The following CLEC4G variants were observed in gnomAD, a reference collection of about 807,000 sequenced individuals.
CLEC4G encodes C-type lectin domain family 4 member G.
A neutral mutation model predicts 37.0 loss-of-function variants in CLEC4G; 34 were observed. The ratio of observed to expected loss-of-function variants is 0.92; its 90% CI spans 0.70 to 1.22. The LOEUF (loss-of-function observed/expected upper bound fraction) is 1.22, where lower values mean the gene tolerates loss of function less well. Ranked by LOEUF, CLEC4G falls within the 50% of genes most tolerant of loss-of-function variation. The pLI is 0.00. For synonymous variants in CLEC4G, 167 were observed against 165.6 expected (o/e 1.01, Z -0.06); for missense variants, 390 against 392.9 (o/e 0.99, Z 0.06).
chr19:7,731,885 G>T, intron 1 of CLEC4G, 114 bp from the exon 2 acceptor site: 1 of 1,525,122 alleles, frequency 6.6e-7, no homozygotes, highest in East Asian at 2.4e-5. Flanking sequence ...TGGTCACACA[G>T]CTTCTAAGCG....
rs762643925 is a variant in CLEC4G at position 7,729,964 on chromosome 19, C to A, written c.628-28G>T. ...AGAAAGGAGGGGACATCTGAGCCTG[C>A]AGAGTCCGCCCCGCCCTGCCCCACC... On this transcript the variant is annotated intron_variant, in intron 7 of 8. Coordinates refer to ENST00000328853, the MANE Select transcript of CLEC4G (RefSeq NM_198492.4). The A allele has an allele frequency of 3.1e-6, 5 of 1,612,392 alleles. No individual in the cohort carries two copies. The Admixed American group carries it at 6.7e-5, about 22-fold the overall frequency.
chr19:7,731,290 C>T lies in CLEC4G; in HGVS notation c.196G>A (p.Gly66Ser), dbSNP rs776081476. Reference sequence around the variant, plus strand: ...CCGTTTGTCCTCAGCAGGTCGTGGCCGTCAAGCAGCGCCGCGCGCTCCGTG... The same window carrying T: ...CCGTTTGTCCTCAGCAGGTCGTGGCTGTCAAGCAGCGCCGCGCGCTCCGTG... The part of the protein sequence containing the change: ...ASTERAALLD[G>S]HDLLRTNASK... The change falls in exon 3 of 9, where the codon GGC becomes AGC. Residue 66 changes from glycine to serine, a missense_variant. By Grantham distance (56) the Gly-to-Ser change is moderately conservative. Coordinates refer to ENST00000328853, the MANE Select transcript of CLEC4G (RefSeq NM_198492.4). The T allele has an allele frequency of 2.5e-6, 4 of 1,587,326 alleles. No individual in the cohort carries two copies. Among genetic ancestry groups the T allele is most frequent in the South Asian group, 2.3e-5 (2 of 87,936 alleles).
chr19:7,731,955 A>G, intron 1 of CLEC4G, 93 bp downstream of exon 1: 8 of 1,453,368 alleles, frequency 5.5e-6, no homozygotes, highest in Non-Finnish European at 7.7e-6. Flanking sequence ...TCTCTCCTGC[A>G]CCCACAACCC....
Position 7,730,649 on chromosome 19 carries a change from G to C in CLEC4G, c.388+106C>G. 3 of 1,462,608 alleles carry C rather than the reference G, an allele frequency of 2.1e-6. No individual in the cohort carries two copies. In the South Asian group the frequency reaches 4.1e-5, roughly 20 times the overall value. 90.6% of individuals were successfully genotyped at this position (1,462,608 alleles called of 1,614,324 possible). A position where few individuals can be genotyped will look rare whatever the true frequency, so the allele number is the denominator to read the frequency against. On this transcript the variant is annotated intron_variant, in intron 5 of 8. Transcript: ENST00000328853. This position sits in a 1 kb window ranked among gnomAD's most constrained non-coding sequence, Gnocchi z 7.3. The stretch of plus-strand genomic sequence containing the variant: ...AGTCAAGGTCAGAGTGCAGCGTCAG[G>C]GTCAGGACGGGGTGCATGATCGGGG...
Position 7,730,362 on chromosome 19 carries a change from C to T in CLEC4G, c.467G>A (p.Arg156Lys), listed in dbSNP as rs779315880. Residue 156 changes from arginine to lysine, a missense_variant, in exon 6 of 9, where the codon AGG (arginine) becomes AAG (lysine). Transcript: ENST00000328853. The surrounding 1 kb of genome is among the most constrained non-coding windows in gnomAD (Gnocchi z 7.3). ...CCCGTCTCGCTCACTGTTCTGGAGC[C>T]TCACGGCCTCCAGCGCCCGGAACAG... ...TELFRALEAV[R>K]LQNNSCEPCP... The T allele has an allele frequency of 3.1e-6, 5 of 1,603,338 alleles. No individual in the cohort carries two copies. Among genetic ancestry groups the T allele is most frequent in the Non-Finnish European group, 4.2e-6 (5 of 1,179,666 alleles).
intron 2 of CLEC4G, 119 bp from the exon 3 acceptor site, chr19:7,731,438 C>A: frequency 6.7e-7 from 1 of 1,490,906 alleles, no homozygotes; most frequent in East Asian, 2.5e-5. Context: ...ACAGCTCACA[C>A]GATGTGCACA....
intron 2 of CLEC4G, 138 bp downstream of exon 2, chr19:7,731,523 C>A: frequency 6.9e-7 from 1 of 1,450,368 alleles, no homozygotes; most frequent in South Asian, 1.4e-5. Context: ...TGAGTGCACA[C>A]GGCCCAAAGA....
In CLEC4G at chr19:7,730,577, C is replaced by T; in HGVS notation, c.389-137G>A. The T allele has an allele frequency of 6.9e-7, 1 of 1,456,386 alleles. No homozygotes were observed. The highest frequency in any genetic ancestry group is 9.0e-7 in the Non-Finnish European group (1 of 1,106,110). 90.2% of individuals were successfully genotyped at this position (1,456,386 alleles called of 1,614,324 possible). On this transcript the variant is annotated intron_variant, in intron 5 of 8. Transcript: ENST00000328853. The surrounding 1 kb of genome is among the most constrained non-coding windows in gnomAD (Gnocchi z 7.3). Reference sequence around the variant, plus strand: ...GTCCAGGATGGCACAGGGTCAAGGGCGGTTACAACTGGGCAGGGTCCGGGT... The same window carrying T: ...GTCCAGGATGGCACAGGGTCAAGGGTGGTTACAACTGGGCAGGGTCCGGGT...
chr19:7,732,041 C>A lies in CLEC4G; in HGVS notation c.55+7G>T, dbSNP rs367686228. 2.5e-6 allele frequency: 4 copies of A among 1,601,094 alleles called. No individual in the cohort carries two copies. Among genetic ancestry groups the A allele is most frequent in the Non-Finnish European group, 3.4e-6 (4 of 1,168,126 alleles). On this transcript the variant is annotated splice_region_variant and intron_variant, in intron 1 of 8. Coordinates refer to ENST00000328853, the MANE Select transcript of CLEC4G (RefSeq NM_198492.4). Reference sequence around the variant, plus strand: ...GGGCAGGGATGGGGCAGTCTCCTTGCTCATACCTCCGGGGACCTCCTCGGA... The same window carrying A: ...GGGCAGGGATGGGGCAGTCTCCTTGATCATACCTCCGGGGACCTCCTCGGA...
At chr19:7,731,930 C>A in intron 1 of CLEC4G, 118 bp downstream of exon 1, 2 of 1,490,154 alleles carry the variant, frequency 1.3e-6, no homozygotes, top group Non-Finnish European at 1.8e-6. Flanking sequence ...CCAACTGGCT[C>A]TATGGCCTGT....
At chr19:7,731,475 G>C (rs973341443) in intron 2 of CLEC4G, 156 bp from the exon 3 acceptor site, 13 of 1,472,774 alleles carry the variant, frequency 8.8e-6, no homozygotes, top group Non-Finnish European at 1.2e-5. Context: ...AAACGCGCGG[G>C]GACTCGCGCA....
chr19:7,730,265 G>T lies in CLEC4G; in HGVS notation c.478+86C>A. ...GGTTCGGCCCCGCGGGCTCAGGGGTGGAGACACAGAACCAGGCCAAGGTCC... is the reference window on the plus strand; with the variant it reads ...GGTTCGGCCCCGCGGGCTCAGGGGTTGAGACACAGAACCAGGCCAAGGTCC... On this transcript the variant is annotated intron_variant, in intron 6 of 8. Transcript: ENST00000328853. This position sits in a 1 kb window ranked among gnomAD's most constrained non-coding sequence, Gnocchi z 7.3. 1 of 1,573,050 alleles carries T rather than the reference G, an allele frequency of 6.4e-7. No individual in the cohort carries two copies. Among genetic ancestry groups the T allele is most frequent in the Non-Finnish European group, 8.6e-7 (1 of 1,162,644 alleles).
In CLEC4G at chr19:7,730,082, C is replaced by G. The variant is rs1437552046; in HGVS notation, c.564G>C (p.Ala188=). 6.2e-7 allele frequency: 1 copy of G among 1,607,708 alleles called. No individual in the cohort carries two copies. Among genetic ancestry groups the G allele is most frequent in the African/African-American group, 1.3e-5 (1 of 74,810 alleles). ...FFSVPKTTWA[A]AQDHCADASA... is the part of the protein sequence containing the mutation. ...TGGCATCTGCGCAGTGATCCTGCGC[C>G]GCCGCCCACGTCGTCTTTGGCACAG... is the stretch of plus-strand genomic sequence containing the variant. Residue 188 remains alanine, a synonymous_variant, in exon 7 of 9, where the codon GCG becomes GCC. Coordinates refer to ENST00000328853, the MANE Select transcript of CLEC4G (RefSeq NM_198492.4). This position sits in a 1 kb window ranked among gnomAD's most constrained non-coding sequence, Gnocchi z 7.3.
intron 3 of CLEC4G, 36 bp downstream of exon 3, chr19:7,731,230 C>A (rs1434314650): frequency 6.3e-7 from 1 of 1,579,298 alleles, no homozygotes; most frequent in Middle Eastern, 1.7e-4. Flanking sequence ...CCGCCCCTCA[C>A]GCCCCGGGGG....
Position 7,729,386 on chromosome 19 carries a change from C to T in CLEC4G, c.862G>A (p.Glu288Lys). Residue 288 changes from glutamate (E) to lysine (K), a missense_variant, in exon 9 of 9, where the codon GAG (glutamate) becomes AAG (lysine). By Grantham distance (56) the Glu-to-Lys change is moderately conservative (BLOSUM62 1). Coordinates refer to ENST00000328853, the MANE Select transcript of CLEC4G (RefSeq NM_198492.4). ...CDSEKDGWIC[E>K]KRHNC ...CGGGGTCAGCAGTTGTGCCTTTTCT[C>T]ACAGATCCAGCCGTCCTTCTCGCTG... is the stretch of plus-strand genomic sequence containing the variant. The T allele has an allele frequency of 1.2e-6, 2 of 1,609,850 alleles. No homozygotes were observed. The highest frequency in any genetic ancestry group is 1.7e-6 in the Non-Finnish European group (2 of 1,176,620).
At position 7,731,103 on chromosome 19, in the gene CLEC4G, G is replaced by T. The variant is rs773497019; in HGVS notation, c.221-15C>A. On this transcript the variant is annotated splice_polypyrimidine_tract_variant and intron_variant, in intron 3 of 8. Coordinates refer to ENST00000328853, the MANE Select transcript of CLEC4G (RefSeq NM_198492.4). ...CTGCTTCGAGGCTGGAACGACCCCCGCCCCAAAATGCATGCCCCTCGGGTC... is the reference window on the plus strand; with the variant it reads ...CTGCTTCGAGGCTGGAACGACCCCCTCCCCAAAATGCATGCCCCTCGGGTC... 9 of 1,604,504 alleles carry T rather than the reference G, an allele frequency of 5.6e-6. No homozygotes were observed. In the East Asian group the frequency reaches 8.9e-5, roughly 16 times the overall value.
Position 7,730,778 on chromosome 19 carries a change from G to A in CLEC4G, c.365C>T (p.Ala122Val). 1 of 1,532,704 alleles carries A rather than the reference G, an allele frequency of 6.5e-7. No homozygotes were observed. The highest frequency in any genetic ancestry group is 8.7e-7 in the Non-Finnish European group (1 of 1,145,878). The allele number at this position is 1,532,704 out of a possible 1,614,324, so 94.9% of individuals were successfully genotyped here. ...AQAKLMEQES[A>V]LRELRERVTQ... The stretch of plus-strand genomic sequence containing the variant: ...ACCGCGCTCACGCAGTTCCCGCAGG[G>A]CGCTCTCCTGCTCCATCAGCTTCGC... Residue 122 changes from alanine (A) to valine (V), a missense_variant, in exon 5 of 9, where the codon GCC becomes GTC. By Grantham distance (64) the Ala-to-Val change is moderately conservative. Coordinates refer to ENST00000328853, the MANE Select transcript of CLEC4G (RefSeq NM_198492.4). This position sits in a 1 kb window ranked among gnomAD's most constrained non-coding sequence, Gnocchi z 7.3.
Position 7,731,061 on chromosome 19 carries a change from G to A in CLEC4G, c.248C>T (p.Ala83Val). Reference protein sequence around the residue: ...NASKQTAALGALKEEVGDCHS... With the variant: ...NASKQTAALGVLKEEVGDCHS... ...GCAGTCTCCGACCTCCTCCTTCAGGGCACCCAGCGCCGCCGTCTGCTTCGA... is the reference window on the plus strand; with the variant it reads ...GCAGTCTCCGACCTCCTCCTTCAGGACACCCAGCGCCGCCGTCTGCTTCGA... Residue 83 changes from alanine (A) to valine (V), a missense_variant, in exon 4 of 9, where the codon GCC (alanine) becomes GTC (valine). Coordinates refer to ENST00000328853, the MANE Select transcript of CLEC4G (RefSeq NM_198492.4). 2 of 1,605,738 alleles carry A rather than the reference G, an allele frequency of 1.2e-6. No homozygotes were observed. The highest frequency in any genetic ancestry group is 1.7e-4 in the Middle Eastern group (1 of 5,892).
Position 7,732,089 on chromosome 19 carries a change from C to T in CLEC4G, c.14G>A (p.Arg5Lys). 2.5e-6 allele frequency: 4 copies of T among 1,609,494 alleles called. No individual in the cohort carries two copies. Among genetic ancestry groups the T allele is most frequent in the Non-Finnish European group, 3.4e-6 (4 of 1,175,740 alleles). Residue 5 changes from arginine to lysine, a missense_variant, in exon 1 of 9, where the codon AGG (arginine) becomes AAG (lysine). Coordinates refer to ENST00000328853, the MANE Select transcript of CLEC4G (RefSeq NM_198492.4). MDTT[R>K]YSKWGGSSEE... is the part of the protein sequence containing the mutation. Reference sequence around the variant, plus strand: ...GGAGCTGCCGCCCCACTTGCTGTACCTGGTGGTGTCCATGGCGATGCAGGC... The same window carrying T: ...GGAGCTGCCGCCCCACTTGCTGTACTTGGTGGTGTCCATGGCGATGCAGGC...
Sources: gnomAD v4.1 joint callset for allele counts on GRCh38, gnomAD v4.1.1 for gene constraint, Gnocchi (gnomAD v3.1) non-coding constraint, MANE v1.5 for transcripts, NCBI Gene and HGNC (gene_info 2026-07-23, HGNC 2026-07-21) for gene names.